CREBBP: variants seen among roughly 807,000 people sequenced by gnomAD.
CREBBP encodes the protein CREB binding lysine acetyltransferase.
CREBBP carries 19 observed loss-of-function variants against 265.0 expected under a neutral mutation model. That is an observed-to-expected ratio of 0.07 (90% confidence interval 0.05 to 0.11). The LOEUF is 0.11. CREBBP is among the 10% of genes least tolerant of loss of function. The pLI, the probability that CREBBP is intolerant of heterozygous loss-of-function variation, is 1.00. For missense variants in CREBBP, 2,525 were observed against 3,219.0 expected (o/e 0.78, Z 5.22); for synonymous variants, 1,457 against 1,223.7 (o/e 1.19, Z -3.98).
intron 16 of CREBBP, among the ~76,000 whole-genome samples, chr16:3,763,759 C>G (rs929545609): frequency 6.6e-6 from 1 of 152,130 alleles, no homozygotes; most frequent in Non-Finnish European, 1.5e-5. Flanking sequence ...CCACTGCGCC[C>G]GGCCTGAAAC....
At chr16:3,853,969 C>G (rs2054908470) in intron 1 of CREBBP, among the ~76,000 whole-genome samples, 1 of 151,836 alleles carries the variant, frequency 6.6e-6, no homozygotes, top group Admixed American at 6.6e-5. Flanking sequence ...CAAACACACA[C>G]ACACACACAC....
At chr16:3,876,109 G>A (rs999914912) in intron 1 of CREBBP, among the ~76,000 whole-genome samples, 8 of 152,016 alleles carry the variant, frequency 5.3e-5, no homozygotes, top group Non-Finnish European at 1.2e-4. Context: ...CATGATCACA[G>A]CTCACTGCAG....
intron 2 of CREBBP, among the ~76,000 whole-genome samples, chr16:3,843,161 T>C (rs897790125): frequency 6.6e-6 from 1 of 152,166 alleles, no homozygotes; most frequent in Non-Finnish European, 1.5e-5. Flanking sequence ...TGCATTAGTG[T>C]TAACAGGCCT....
chr16:3,855,508 G>T (rs902725466), intron 1 of CREBBP, among the ~76,000 whole-genome samples: 1 of 152,100 alleles, frequency 6.6e-6, no homozygotes, highest in Non-Finnish European at 1.5e-5. Flanking sequence ...CAGGTGATCC[G>T]CCCGCCTAAG....
rs376595352 is a variant in CREBBP at position 3,798,983 on chromosome 16, G to A, written c.976-5357C>T. ...ACAAAACACGGTGTATAACCAAAAC[G>A]GAATATTATTCAACCGTAAAAAGGG... On this transcript the variant is annotated intron_variant, in intron 3 of 30. Coordinates refer to ENST00000262367, the MANE Select transcript of CREBBP (RefSeq NM_004380.3). Among the ~76,000 whole-genome samples the A allele has an allele frequency of 6.6e-5, 10 of 152,182 alleles. No homozygotes were observed. The East Asian group carries it at 7.7e-4, about 12-fold the overall frequency.
intron 2 of CREBBP, among the ~76,000 whole-genome samples, chr16:3,831,554 T>C (rs183759574): frequency 2.4e-4 from 36 of 151,610 alleles, no homozygotes; most frequent in Middle Eastern, 3.4e-3. Flanking sequence ...CAGAAATAAA[T>C]GACATAGAAA....
At chr16:3,810,819 G>A (rs763905346) in intron 2 of CREBBP, 40 bp from the exon 3 acceptor site, 1 of 1,604,362 alleles carries the variant, frequency 6.2e-7, no homozygotes, top group South Asian at 1.1e-5. Context: ...TGGTGACGCA[G>A]TCAATATAAA....
Position 3,767,762 on chromosome 16 carries a change from T to G in CREBBP, c.3208A>C (p.Thr1070Pro), listed in dbSNP as rs2052891694. ...KEEEESSSNG[T>P]ASQSTSPSQP... ...GAAGGAGATGTTGACTGAGAGGCTG[T>G]GCCGTTACTGCTACTCTCTTCTTCC... Residue 1070 changes from threonine (T) to proline (P), a missense_variant, in exon 16 of 31, where the codon ACA (threonine) becomes CCA (proline). Physicochemically the swap from Thr to Pro is conservative, Grantham distance 38. Coordinates refer to ENST00000262367, the MANE Select transcript of CREBBP (RefSeq NM_004380.3). The G allele has an allele frequency of 1.2e-6, 2 of 1,614,146 alleles. No individual in the cohort carries two copies. Among genetic ancestry groups the G allele is most frequent in the African/African-American group, 2.7e-5 (2 of 74,944 alleles).
At position 3,769,205 on chromosome 16, in the gene CREBBP, G is replaced by A. The variant is rs139896431; in HGVS notation, c.3029C>T (p.Pro1010Leu). 2.3e-4 allele frequency: 367 copies of A among 1,614,022 alleles called. No homozygotes were observed. Among genetic ancestry groups the A allele is most frequent in the Non-Finnish European group, 3.0e-4 (356 of 1,180,032 alleles). Residue 1010 changes from proline to leucine, a missense_variant, in exon 15 of 31, where the codon CCT becomes CTT. Around this residue, in one of 19 missense-constraint regions of CREBBP, gnomAD observed 548 missense variants for 533.0 expected, o/e 1.03. Coordinates refer to ENST00000262367, the MANE Select transcript of CREBBP (RefSeq NM_004380.3). Reference protein sequence around the residue: ...ETQAEDTEPDPGESKGEPRSE... With the variant: ...ETQAEDTEPDLGESKGEPRSE... ...CCTGGGCTCCCCTTTGGATTCACCA[G>A]GATCGGGCTCAGTGTCCTCTGCTTG...
At position 3,880,403 on chromosome 16, in the gene CREBBP, CCCG is replaced by C. The variant is rs1380789686; in HGVS notation, c.-490_-488del. 15 of 141,632 alleles carry C rather than the reference CCCG, an allele frequency of 1.1e-4. No homozygotes were observed. Among genetic ancestry groups the C allele is most frequent in the East Asian group, 4.3e-4 (2 of 4,678 alleles). 8.8% of individuals were successfully genotyped at this position (141,632 alleles called of 1,614,324 possible). Reference sequence around the variant, plus strand: ...TCCGGGCTCCGCTCCCGGCCCGCGGCCCGCCGCCGCCGCCGCCGTGAGGAAAAA... The same window carrying C: ...TCCGGGCTCCGCTCCCGGCCCGCGGCCCGCCGCCGCCGCCGTGAGGAAAAA... On this transcript the variant is annotated 5_prime_UTR_variant, in exon 1 of 31. Coordinates refer to ENST00000262367, the MANE Select transcript of CREBBP (RefSeq NM_004380.3).
At position 3,849,430 on chromosome 16, in the gene CREBBP, T is replaced by TG. The variant is rs1567360207; in HGVS notation, c.798+866dup. ...GTGTGTGTGTGTGTGTGTGTGTGTG[T>TG]GTGTGTGTGTGTGTGTGTGTGTGTG... On this transcript the variant is annotated intron_variant, in intron 2 of 30. Transcript: ENST00000262367. Among the ~76,000 whole-genome samples the TG allele has an allele frequency of 3.3e-3, 28 of 8,582 alleles. 2 individuals carry two copies. In the East Asian group the frequency reaches 0.093, roughly 28 times the overall value. The allele number at this position is 8,582 out of a possible 152,430, so 5.6% of individuals were successfully genotyped here. A position where few individuals can be genotyped will look rare whatever the true frequency, so the allele number is the denominator to read the frequency against.
chr16:3,847,656 G>A (rs1017162975), intron 2 of CREBBP, among the ~76,000 whole-genome samples: 4 of 152,204 alleles, frequency 2.6e-5, no homozygotes, highest in African/African-American at 9.7e-5. Context: ...AGGAACCCCA[G>A]GATGGAATGA....
chr16:3,866,557 A>G (rs2055182237), intron 1 of CREBBP, among the ~76,000 whole-genome samples: 1 of 152,192 alleles, frequency 6.6e-6, no homozygotes, highest in African/African-American at 2.4e-5. Flanking sequence ...ATAAAACAAT[A>G]CAAAAACATA....
chr16:3,848,487 C>T (rs1316450141), intron 2 of CREBBP, among the ~76,000 whole-genome samples: 1 of 152,096 alleles, frequency 6.6e-6, no homozygotes, highest in Non-Finnish European at 1.5e-5. Context: ...TGTGTGATTC[C>T]ACTGCACTGG....
At chr16:3,770,082 C>A (rs1186505588) in intron 14 of CREBBP, among the ~76,000 whole-genome samples, 1 of 152,160 alleles carries the variant, frequency 6.6e-6, no homozygotes, top group African/African-American at 2.4e-5. Context: ...TTTGGCCAGG[C>A]TGGTCTCGAA....
intron 5 of CREBBP, among the ~76,000 whole-genome samples, chr16:3,786,383 G>A (rs1390712900): frequency 1.3e-5 from 2 of 152,014 alleles, no homozygotes; most frequent in Non-Finnish European, 2.9e-5. Flanking sequence ...AAGAAAAAAG[G>A]AATGTTCCAC....
chr16:3,745,312 A>G lies in CREBBP; in HGVS notation c.3879T>C (p.Ile1293=), dbSNP rs1185215116. ...CKECGRKMHQ[I]CVLHYDIIWP... ...AAATGATGTCATAGTGCAGAACGCA[A>G]ATCTGATGCATCTTCCGGCCACACT... The change falls in exon 22 of 31, where the codon ATT becomes ATC. Residue 1293 remains isoleucine, a synonymous_variant. Coordinates refer to ENST00000262367, the MANE Select transcript of CREBBP (RefSeq NM_004380.3). The G allele has an allele frequency of 1.2e-6, 2 of 1,613,994 alleles. No individual in the cohort carries two copies. Among genetic ancestry groups the G allele is most frequent in the Non-Finnish European group, 1.7e-6 (2 of 1,180,000 alleles).
intron 16 of CREBBP, among the ~76,000 whole-genome samples, chr16:3,763,482 C>T (rs1033142543): frequency 5.9e-5 from 9 of 151,864 alleles, no homozygotes; most frequent in Non-Finnish European, 1.2e-4. Context: ...TGTTTTGAGA[C>T]GAAGTTTCTC....
intron 5 of CREBBP, among the ~76,000 whole-genome samples, chr16:3,786,547 G>A (rs1020132951): frequency 2.6e-5 from 4 of 152,170 alleles, no homozygotes; most frequent in Non-Finnish European, 4.4e-5. Context: ...TGAGGGTAGG[G>A]GGAGACAGAC....
Sources: allele counts gnomAD v4.1 joint callset (sites outside exome capture counted in the v4.1 genomes callset), GRCh38; gene constraint gnomAD v4.1.1; regional missense constraint gnomAD v4.1.1; transcripts MANE v1.5; gene names NCBI Gene and HGNC (gene_info 2026-07-23, HGNC 2026-07-21).